The following RBFOX1 variants were observed in gnomAD, a reference collection of about 807,000 sequenced individuals.
RBFOX1 encodes RNA binding fox-1 homolog 1, also known as RNA binding protein fox-1 homolog 1.
RBFOX1 carries 8 observed loss-of-function variants against 57.7 expected under a neutral mutation model. That is an observed-to-expected ratio of 0.14 (90% CI 0.08 to 0.25). The LOEUF is 0.25. Ranked by LOEUF, RBFOX1 falls within the 10% of genes least tolerant of loss-of-function variation. The pLI is 1.00. For missense variants in RBFOX1, 611 were observed against 548.5 expected, an observed-to-expected ratio of 1.11 and a Z score of -1.14; for synonymous variants, 326 against 222.4, an observed-to-expected ratio of 1.47 and a Z score of -4.15.
Position 6,882,077 on chromosome 16 carries a change from G to A in RBFOX1, c.-15-169980G>A, listed in dbSNP as rs375060920. Among the ~76,000 whole-genome samples the A allele has an allele frequency of 4.4e-4, 67 of 152,238 alleles. 1 individual carries two copies. The South Asian group carries it at 0.011, about 25-fold the overall frequency. ...GTCAGTCTTCCTGCTTAATATTTCAGTGGCCCCCTATTCCCTGCAGGTTAA... is the reference window on the plus strand; with the variant it reads ...GTCAGTCTTCCTGCTTAATATTTCAATGGCCCCCTATTCCCTGCAGGTTAA... On this transcript the variant is annotated intron_variant, in intron 3 of 15. Coordinates refer to ENST00000550418, the MANE Select transcript of RBFOX1 (RefSeq NM_018723.4).
At chr16:5,822,133 A>G (rs2055878894) in intron 3 of RBFOX1, among the ~76,000 whole-genome samples, 1 of 152,226 alleles carries the variant, frequency 6.6e-6, no homozygotes, top group East Asian at 1.9e-4. Flanking sequence ...AGCATTTGCA[A>G]TGATCTGGAT....
chr16:6,839,770 G>A (rs935879460), intron 3 of RBFOX1, among the ~76,000 whole-genome samples: 33 of 152,268 alleles, frequency 2.2e-4, no homozygotes, highest in South Asian at 4.1e-4. Flanking sequence ...TGAAACATTT[G>A]GATGTAGAAA....
chr16:5,929,310 T>G (rs1392419219), intron 4 of RBFOX1, among the ~76,000 whole-genome samples: 2 of 151,986 alleles, frequency 1.3e-5, no homozygotes, highest in East Asian at 3.9e-4. Context: ...AAGTTCAGTC[T>G]TAAGCCTCTC....
chr16:5,485,711 G>C (rs1289288577), intron 2 of RBFOX1, among the ~76,000 whole-genome samples: 1 of 152,170 alleles, frequency 6.6e-6, no homozygotes, highest in Non-Finnish European at 1.5e-5. Flanking sequence ...AAGAGATTCT[G>C]TTACCCTTGG....
chr16:5,272,590 A>G (rs907299899), intron 1 of RBFOX1, among the ~76,000 whole-genome samples: 3 of 152,166 alleles, frequency 2.0e-5, no homozygotes, highest in Non-Finnish European at 4.4e-5. Context: ...CTGACGTGAA[A>G]TGTGGCCCCT....
chr16:6,552,915 A>C (rs1315889363), intron 2 of RBFOX1, among the ~76,000 whole-genome samples: 1 of 152,268 alleles, frequency 6.6e-6, no homozygotes, highest in East Asian at 1.9e-4. Flanking sequence ...ATTAGATTAC[A>C]TAGATTTCTG....
At chr16:5,974,137 T>C (rs2060015112) in intron 4 of RBFOX1, among the ~76,000 whole-genome samples, 1 of 152,182 alleles carries the variant, frequency 6.6e-6, no homozygotes, top group Admixed American at 6.5e-5. Flanking sequence ...TAACCATTGT[T>C]CTCTATATGG....
At chr16:5,903,214 C>G (rs1307723633) in intron 4 of RBFOX1, among the ~76,000 whole-genome samples, 5 of 152,122 alleles carry the variant, frequency 3.3e-5, no homozygotes, top group Non-Finnish European at 7.4e-5. Flanking sequence ...AGAAGACAGT[C>G]TCCTAAACTA....
At chr16:7,258,131 G>T (rs1233919000) in intron 4 of RBFOX1, among the ~76,000 whole-genome samples, 1 of 152,104 alleles carries the variant, frequency 6.6e-6, no homozygotes, top group Non-Finnish European at 1.5e-5. Context: ...GCTTCCAGAG[G>T]TACCAGCGAT....
chr16:7,344,368 T>C (rs2096954696), intron 4 of RBFOX1, among the ~76,000 whole-genome samples: 1 of 150,050 alleles, frequency 6.7e-6, no homozygotes, highest in Admixed American at 6.7e-5. Context: ...TTATATTATT[T>C]GTATTATGCA....
intron 1 of RBFOX1, among the ~76,000 whole-genome samples, chr16:6,053,684 C>T (rs1047136270): frequency 6.6e-5 from 10 of 152,164 alleles, no homozygotes; most frequent in African/African-American, 1.2e-4. Flanking sequence ...TCTTTCCCTA[C>T]GTACATAAGA....
At chr16:6,528,765 G>T (rs2096616391) in intron 2 of RBFOX1, among the ~76,000 whole-genome samples, 1 of 152,034 alleles carries the variant, frequency 6.6e-6, no homozygotes, top group Non-Finnish European at 1.5e-5. Context: ...TACACTCTAC[G>T]ATGGTTAGCA....
At chr16:6,262,759 C>T (rs1446808124) in intron 1 of RBFOX1, among the ~76,000 whole-genome samples, 1 of 152,136 alleles carries the variant, frequency 6.6e-6, no homozygotes, top group Non-Finnish European at 1.5e-5. Context: ...TTGTGTCTTG[C>T]TCATCTTTGA....
At chr16:5,730,316 TG>T (rs1178634979) in intron 3 of RBFOX1, among the ~76,000 whole-genome samples, 2 of 152,112 alleles carry the variant, frequency 1.3e-5, no homozygotes, top group Non-Finnish European at 2.9e-5. Context: ...CAGCTTCTCA[TG>T]CCTGAGAAAA....
chr16:7,688,471 G>C (rs552531752), intron 14 of RBFOX1, among the ~76,000 whole-genome samples: 30 of 152,050 alleles, frequency 2.0e-4, no homozygotes, highest in African/African-American at 7.2e-4. Flanking sequence ...CCACCTGCCC[G>C]CACCAAAAGT....
At chr16:6,111,319 C>G (rs181282697) in intron 1 of RBFOX1, among the ~76,000 whole-genome samples, 1 of 152,270 alleles carries the variant, frequency 6.6e-6, no homozygotes, top group East Asian at 1.9e-4. Flanking sequence ...AAGACTCAAT[C>G]AGCTATCTTG....
intron 4 of RBFOX1, among the ~76,000 whole-genome samples, chr16:7,091,910 C>T (rs2060925747): frequency 1.3e-5 from 2 of 152,272 alleles, no homozygotes; most frequent in Admixed American, 1.3e-4. Context: ...ATCATCATGC[C>T]AGTTTAATTT....
intron 3 of RBFOX1, among the ~76,000 whole-genome samples, chr16:6,903,598 G>A (rs181294738): frequency 1.3e-5 from 2 of 152,266 alleles, no homozygotes; most frequent in South Asian, 2.1e-4. Context: ...AAACTGGTGG[G>A]GAGGTTTCAG....
intron 3 of RBFOX1, among the ~76,000 whole-genome samples, chr16:5,811,144 T>A (rs914420898): frequency 1.8e-3 from 31 of 16,996 alleles, no homozygotes; most frequent in Non-Finnish European, 2.4e-3. Context: ...ATGGAACAAA[T>A]TTTTTTTTTT....
Sources: allele counts gnomAD v4.1 joint callset (sites outside exome capture counted in the v4.1 genomes callset), GRCh38; gene constraint gnomAD v4.1.1; transcripts MANE v1.5; gene names NCBI Gene and HGNC (gene_info 2026-07-23, HGNC 2026-07-21).